Variants in SNCAIP observed in about 807,000 individuals in gnomAD.
SNCAIP encodes synphilin-1.
Under a neutral mutation model 86.7 loss-of-function variants are expected in SNCAIP, and 43 were observed. That is an observed-to-expected ratio of 0.50 (90% CI 0.39 to 0.64). The LOEUF (loss-of-function observed/expected upper bound fraction) is 0.64, where lower values mean the gene tolerates loss of function less well. Among genes scored for constraint, SNCAIP ranks in the 30% least tolerant of loss-of-function variants. The pLI is 0.00. For synonymous variants in SNCAIP, 417 were observed against 427.2 expected, an observed-to-expected ratio of 0.98 and a Z score of 0.29; for missense variants, 981 against 1,103.1, an observed-to-expected ratio of 0.89 and a Z score of 1.57.
intron 1 of SNCAIP, among the ~76,000 whole-genome samples, chr5:122,386,564 G>A (rs1057193682): frequency 6.6e-6 from 1 of 152,126 alleles, no homozygotes; most frequent in African/African-American, 2.4e-5. Context: ...CTGAAAGCCG[G>A]GCATCAGTTT....
intron 1 of SNCAIP, among the ~76,000 whole-genome samples, chr5:122,378,260 T>C (rs2152808521): frequency 6.9e-6 from 1 of 144,794 alleles, no homozygotes; most frequent in Non-Finnish European, 1.5e-5. Flanking sequence ...TATCTCATTG[T>C]GGTTTTGATT....
In SNCAIP at chr5:122,451,692, G is replaced by A. The variant is rs1581394726; in HGVS notation, c.2754+91G>A. 8 of 999,926 alleles carry A rather than the reference G, an allele frequency of 8.0e-6. No homozygotes were observed. In the East Asian group the frequency reaches 2.0e-4, roughly 25 times the overall value. The allele number at this position is 999,926 out of a possible 1,614,324, so 61.9% of individuals were successfully genotyped here. A position where few individuals can be genotyped will look rare whatever the true frequency, so the allele number is the denominator to read the frequency against. ...AGATTGTGGGCCCACACTACCTTGA[G>A]GGAATCCCCAGGAAAAAAAAAAATC... On this transcript the variant is annotated intron_variant, in intron 10 of 10. Transcript: ENST00000261368.
intron 2 of SNCAIP, among the ~76,000 whole-genome samples, chr5:122,399,957 A>G (rs1287253130): frequency 6.6e-6 from 1 of 152,120 alleles, no homozygotes; most frequent in African/African-American, 2.4e-5. Context: ...TTGTGTTGAT[A>G]CCACTGGTCC....
chr5:122,455,166 TG>T (rs942370305), intron 10 of SNCAIP, among the ~76,000 whole-genome samples: 5 of 152,252 alleles, frequency 3.3e-5, no homozygotes, highest in Admixed American at 2.6e-4. Context: ...TCATTTGGCA[TG>T]TGTTTCCATA....
intron 7 of SNCAIP, chr5:122,443,706 G>C (rs931006235): frequency 2.2e-6 from 1 of 454,942 alleles, no homozygotes; most frequent in African/African-American, 2.0e-5. Flanking sequence ...AAAAAGTCCG[G>C]TATCTCTTTG....
intron 10 of SNCAIP, among the ~76,000 whole-genome samples, chr5:122,462,827 A>T (rs2153043715): frequency 6.6e-6 from 1 of 152,316 alleles, no homozygotes; most frequent in East Asian, 1.9e-4. Context: ...AAGATTTTAC[A>T]CCCAGAATGG....
At chr5:122,415,466 T>C (rs1775113272) in intron 3 of SNCAIP, among the ~76,000 whole-genome samples, 3 of 152,224 alleles carry the variant, frequency 2.0e-5, no homozygotes, top group Admixed American at 2.0e-4. Context: ...CCTAAAGACA[T>C]ACCCCATTTT....
intron 10 of SNCAIP, among the ~76,000 whole-genome samples, chr5:122,457,780 A>G (rs1368062798): frequency 6.6e-6 from 1 of 152,166 alleles, no homozygotes; most frequent in African/African-American, 2.4e-5. Flanking sequence ...AACTTGAACT[A>G]TTTCTTCACA....
intron 6 of SNCAIP, chr5:122,437,436 G>A (rs766269981): frequency 2.6e-5 from 4 of 152,070 alleles, no homozygotes; most frequent in Non-Finnish European, 4.4e-5. Context: ...TAAAAGACAA[G>A]GTATATAGTC....
At chr5:122,405,085 T>C (rs1772686167) in intron 3 of SNCAIP, among the ~76,000 whole-genome samples, 1 of 152,228 alleles carries the variant, frequency 6.6e-6, no homozygotes, top group Non-Finnish European at 1.5e-5. Flanking sequence ...TAAAAGGCAG[T>C]GCCCATTTCA....
Position 122,444,657 on chromosome 5 carries a change from C to G in SNCAIP, c.1517C>G (p.Ser506Cys). 1.2e-6 allele frequency: 2 copies of G among 1,613,984 alleles called. No individual in the cohort carries two copies. The highest frequency in any genetic ancestry group is 1.3e-5 in the African/African-American group (1 of 75,024). The stretch of plus-strand genomic sequence containing the variant: ...GAGCGGCAGGGGCACACCCTGTGCT[C>G]CAGGTACCTGGTGGTGGTGGAGACC... ...SAERQGHTLC[S>C]RYLVVVETCM... Residue 506 changes from serine (S) to cysteine (C), a missense_variant, in exon 8 of 11, where the codon TCC (serine) becomes TGC (cysteine). Physicochemically the swap from Ser to Cys is moderately radical, Grantham distance 112. Coordinates refer to ENST00000261368, the MANE Select transcript of SNCAIP (RefSeq NM_005460.4).
rs931658637 is a variant in SNCAIP, at chr5:122,364,737, C to CT, written c.-46-26344dup. 5.9e-5 allele frequency among the ~76,000 whole-genome samples: 9 copies of CT among 151,802 alleles called. No individual in the cohort carries two copies. The South Asian group carries it at 1.3e-3, about 21-fold the overall frequency. ...TTCATTAATTTCATTTTCTTTATTT[C>CT]TTTTTTTTATATTTCAATAAATTTT... On this transcript the variant is annotated intron_variant, in intron 1 of 10. Coordinates refer to ENST00000261368, the MANE Select transcript of SNCAIP (RefSeq NM_005460.4).
intron 10 of SNCAIP, among the ~76,000 whole-genome samples, chr5:122,459,174 G>C (rs1404866745): frequency 6.6e-6 from 1 of 152,140 alleles, no homozygotes; most frequent in African/African-American, 2.4e-5. Context: ...GAGACTTATA[G>C]ATGTGCTCTC....
intron 3 of SNCAIP, among the ~76,000 whole-genome samples, chr5:122,406,934 A>G (rs529838247): frequency 6.6e-6 from 1 of 152,172 alleles, no homozygotes; most frequent in East Asian, 1.9e-4. Flanking sequence ...GCTATTTTGT[A>G]TAGGTTGTCA....
intron 1 of SNCAIP, among the ~76,000 whole-genome samples, chr5:122,383,979 CTA>C (rs1767548836): frequency 6.6e-6 from 1 of 152,196 alleles, no homozygotes; most frequent in Admixed American, 6.5e-5. Flanking sequence ...GACACAAAGT[CTA>C]TACACGTTTT....
intron 3 of SNCAIP, among the ~76,000 whole-genome samples, chr5:122,418,952 AG>A (rs1179015995): frequency 6.6e-6 from 1 of 152,172 alleles, no homozygotes; most frequent in Non-Finnish European, 1.5e-5. Flanking sequence ...AGTGTGGTCC[AG>A]CCAGTTTAGT....
At chr5:122,425,874 C>G (rs557576921) in intron 5 of SNCAIP, among the ~76,000 whole-genome samples, 1 of 152,120 alleles carries the variant, frequency 6.6e-6, no homozygotes, top group Non-Finnish European at 1.5e-5. Flanking sequence ...ATGAGCAAGA[C>G]GAATGTGGGG....
chr5:122,444,205 C>T, intron 7 of SNCAIP: 1 of 471,720 alleles, frequency 2.1e-6, no homozygotes, highest in South Asian at 1.5e-5. Flanking sequence ...GGTAAGATTC[C>T]AGTCTCCCCC....
chr5:122,417,742 C>T (rs565697640), intron 3 of SNCAIP, among the ~76,000 whole-genome samples: 56 of 152,130 alleles, frequency 3.7e-4, no homozygotes, highest in Middle Eastern at 3.4e-3. Flanking sequence ...CCCCACCTCC[C>T]CTTTTATTCA....
Sources: allele counts gnomAD v4.1 joint callset (sites outside exome capture counted in the v4.1 genomes callset), GRCh38; gene constraint gnomAD v4.1.1; transcripts MANE v1.5; gene names NCBI Gene and HGNC (gene_info 2026-07-23, HGNC 2026-07-21).